The following ARID2 variants were observed in gnomAD, a reference collection of about 807,000 sequenced individuals.
The protein encoded by ARID2 is AT-rich interactive domain-containing protein 2.
In ARID2, 32 loss-of-function variants were observed where a neutral mutation model predicts 184.6. The ratio of observed to expected loss-of-function variants is 0.17; its 90% CI spans 0.13 to 0.23. The LOEUF (loss-of-function observed/expected upper bound fraction) is 0.23, where lower values mean the gene tolerates loss of function less well. ARID2 is among the 10% of genes least tolerant of loss of function. The probability of loss-of-function intolerance (pLI) is 1.00; values close to 1 mark genes in which losing one functional copy is unlikely to be tolerated. For synonymous variants in ARID2, 836 were observed against 772.6 expected, an observed-to-expected ratio of 1.08 and a Z score of -1.36; for missense variants, 1,696 against 2,197.6, an observed-to-expected ratio of 0.77 and a Z score of 4.56.
intron 3 of ARID2, among the ~76,000 whole-genome samples, chr12:45,783,426 G>C (rs2138042000): frequency 6.6e-6 from 1 of 152,322 alleles, no homozygotes; most frequent in Admixed American, 6.5e-5. Flanking sequence ...TAAATTGATA[G>C]AGTATTTAAT....
At position 45,891,769 on chromosome 12, in the gene ARID2, A is replaced by AT; in HGVS notation, c.4923-5dup. The AT allele has an allele frequency of 1.2e-6, 2 of 1,609,054 alleles. No individual in the cohort carries two copies. The highest frequency in any genetic ancestry group is 1.7e-4 in the Middle Eastern group (1 of 6,032). ...ATACATCCAAGTGTCTACTACTTTT[A>AT]TTTTTTATAGGTGGTTTCAGACACC... On this transcript the variant is annotated splice_polypyrimidine_tract_variant and intron_variant, in intron 16 of 20. Coordinates refer to ENST00000334344, the MANE Select transcript of ARID2 (RefSeq NM_152641.4).
intron 16 of ARID2, among the ~76,000 whole-genome samples, chr12:45,875,031 A>G (rs1943987563): frequency 1.3e-5 from 2 of 152,154 alleles, no homozygotes; most frequent in African/African-American, 4.8e-5. Context: ...GCTTTGGTGG[A>G]AGGATCGCTT....
At chr12:45,892,455 A>C (rs1294662421) in intron 18 of ARID2, among the ~76,000 whole-genome samples, 2 of 149,546 alleles carry the variant, frequency 1.3e-5, no homozygotes, top group Non-Finnish European at 3.0e-5. Flanking sequence ...ATAATGGCAA[A>C]GAGATTTCAT....
intron 3 of ARID2, among the ~76,000 whole-genome samples, chr12:45,766,446 G>A (rs536158457): frequency 6.6e-6 from 1 of 152,188 alleles, no homozygotes; most frequent in African/African-American, 2.4e-5. Flanking sequence ...GGGATTACAG[G>A]CATGAGCCAC....
At chr12:45,899,055 C>T (rs916056191) in intron 20 of ARID2, among the ~76,000 whole-genome samples, 8 of 150,936 alleles carry the variant, frequency 5.3e-5, no homozygotes, top group African/African-American at 1.5e-4. Context: ...AGGTGAATCA[C>T]GAGGTCAAGA....
chr12:45,834,618 C>T (rs1179617799), intron 6 of ARID2, among the ~76,000 whole-genome samples: 2 of 152,134 alleles, frequency 1.3e-5, no homozygotes, highest in Non-Finnish European at 2.9e-5. Context: ...TGGCACGCAC[C>T]TATAATCCCA....
chr12:45,876,343 G>T (rs1486352679), intron 16 of ARID2, among the ~76,000 whole-genome samples: 1 of 152,114 alleles, frequency 6.6e-6, no homozygotes, highest in Admixed American at 6.5e-5. Context: ...GTGAGGTTGG[G>T]AGTTCAAGAC....
chr12:45,832,357 T>C (rs1326456758), intron 6 of ARID2, among the ~76,000 whole-genome samples: 1 of 152,198 alleles, frequency 6.6e-6, no homozygotes, highest in Non-Finnish European at 1.5e-5. Context: ...TGCAGTTTCA[T>C]TGCTTATTTT....
intron 16 of ARID2, among the ~76,000 whole-genome samples, chr12:45,867,658 G>C (rs1317761887): frequency 6.6e-6 from 1 of 151,438 alleles, no homozygotes; most frequent in Admixed American, 6.6e-5. Flanking sequence ...CAGGAAAATG[G>C]CATGAACCCT....
chr12:45,844,310 T>C (rs937649771), intron 11 of ARID2, among the ~76,000 whole-genome samples: 1 of 152,238 alleles, frequency 6.6e-6, no homozygotes, highest in Non-Finnish European at 1.5e-5. Context: ...TGAGCCACCA[T>C]GCCTGGCCCA....
chr12:45,745,571 A>G (rs768298247), intron 3 of ARID2, among the ~76,000 whole-genome samples: 1 of 152,226 alleles, frequency 6.6e-6, no homozygotes. Context: ...TTTTTGAGAC[A>G]AAGTCTCACT....
At chr12:45,812,824 G>A (rs1942734095) in intron 4 of ARID2, among the ~76,000 whole-genome samples, 1 of 152,138 alleles carries the variant, frequency 6.6e-6, no homozygotes, top group African/African-American at 2.4e-5. Context: ...AACTCTGTGT[G>A]ATCCCTGTAT....
At chr12:45,817,239 A>G (rs1173224819) in intron 4 of ARID2, among the ~76,000 whole-genome samples, 2 of 152,124 alleles carry the variant, frequency 1.3e-5, no homozygotes, top group Admixed American at 1.3e-4. Flanking sequence ...CTGTAGTCCT[A>G]GCTACTCAGG....
intron 3 of ARID2, among the ~76,000 whole-genome samples, chr12:45,756,940 C>G (rs924988270): frequency 1.3e-5 from 2 of 152,050 alleles, no homozygotes; most frequent in African/African-American, 4.8e-5. Context: ...GTAATATAAA[C>G]AAAATGTGGA....
At chr12:45,766,575 G>A (rs867575399) in intron 3 of ARID2, among the ~76,000 whole-genome samples, 9 of 151,114 alleles carry the variant, frequency 6.0e-5, no homozygotes, top group East Asian at 2.0e-4. Flanking sequence ...GTGCAGTGGC[G>A]CAATCTTGGC....
intron 16 of ARID2, among the ~76,000 whole-genome samples, chr12:45,877,091 CAA>C (rs35277117): frequency 3.7e-4 from 21 of 57,406 alleles, no homozygotes; most frequent in Admixed American, 5.9e-4. Flanking sequence ...GACTCCATCT[CAA>C]AAAAAAAAAA....
intron 13 of ARID2, 142 bp from the exon 14 acceptor site, chr12:45,849,438 C>A: frequency 5.7e-6 from 3 of 523,996 alleles, no homozygotes; most frequent in Non-Finnish European, 9.5e-6. Context: ...TCTTTGCTTT[C>A]CATCCTTGCA....
At chr12:45,873,254 A>G (rs1022132391) in intron 16 of ARID2, among the ~76,000 whole-genome samples, 1 of 151,994 alleles carries the variant, frequency 6.6e-6, no homozygotes, top group Admixed American at 6.6e-5. Flanking sequence ...TTTACTTTTA[A>G]TCTGTGTCTT....
chr12:45,896,993 GAGAA>G (rs559293890), intron 20 of ARID2, among the ~76,000 whole-genome samples: 101 of 152,286 alleles, frequency 6.6e-4, no homozygotes, highest in Admixed American at 5.5e-3. Context: ...AAACAATCTT[GAGAA>G]AGAACAATGT....
Sources: allele counts gnomAD v4.1 joint callset (sites outside exome capture counted in the v4.1 genomes callset), GRCh38; gene constraint gnomAD v4.1.1; transcripts MANE v1.5; gene names NCBI Gene and HGNC (gene_info 2026-07-23, HGNC 2026-07-21).